The following MORN1 variants were observed in gnomAD, a reference collection of about 807,000 sequenced individuals.
MORN1 encodes MORN repeat containing 1.
A neutral mutation model predicts 61.9 loss-of-function variants in MORN1; 67 were observed. That is an observed-to-expected ratio of 1.08 (90% CI 0.89 to 1.33). MORN1 has a LOEUF of 1.33. Ranked by LOEUF, MORN1 falls within the 40% of genes most tolerant of loss-of-function variation. MORN1 has a pLI of 0.00. For synonymous variants in MORN1, 301 were observed against 292.0 expected (o/e 1.03, Z -0.31); for missense variants, 752 against 691.2 (o/e 1.09, Z -0.99).
intron 1 of MORN1, 24 bp downstream of exon 1, chr1:2,391,419 GGGCAGCCAGCGACCT>G: frequency 8.0e-7 from 1 of 1,254,784 alleles, no homozygotes; most frequent in South Asian, 3.6e-5. Flanking sequence ...ATGGAGCCCA[GGGCAGCCAGCGACCT>G]GTCCCGTGGC....
chr1:2,333,703 G>A lies in MORN1; in HGVS notation c.1250+2766C>T, dbSNP rs1475141107. ...ATTCACAAGCATGTCTGTCGGAAGC[G>A]GCAGCCCCAACGGTGCCAGGAGCTT... is the stretch of plus-strand genomic sequence containing the variant. On this transcript the variant is annotated intron_variant, in intron 12 of 13. Transcript: ENST00000378531. 3.9e-5 allele frequency among the ~76,000 whole-genome samples: 6 copies of A among 152,318 alleles called. No individual in the cohort carries two copies. The East Asian group carries it at 9.7e-4, about 25-fold the overall frequency.
intron 12 of MORN1, among the ~76,000 whole-genome samples, chr1:2,325,361 G>A (rs1641004872): frequency 6.7e-6 from 1 of 149,834 alleles, no homozygotes; most frequent in African/African-American, 2.5e-5. Flanking sequence ...AGGCTAGAGT[G>A]CAGCGGCATA....
rs1196027843 is a variant in MORN1, at chr1:2,387,233, C to A, written c.358+186G>T. ...AGCGCCGCAGGACCCGCTGGGCATA[C>A]TGGTGTATGCCGGGCATAGGACATG... On this transcript the variant is annotated intron_variant, in intron 4 of 13. Transcript: ENST00000378531. The A allele has an allele frequency of 4.9e-6, 3 of 609,298 alleles. No homozygotes were observed. The East Asian group carries it at 8.2e-5, about 17-fold the overall frequency. The allele number at this position is 609,298 out of a possible 1,614,324, so 37.7% of individuals were successfully genotyped here. A position where few individuals can be genotyped will look rare whatever the true frequency, so the allele number is the denominator to read the frequency against.
intron 12 of MORN1, among the ~76,000 whole-genome samples, chr1:2,325,283 CT>C (rs1400805664): frequency 1.9e-5 from 2 of 105,986 alleles, no homozygotes; most frequent in Non-Finnish European, 3.6e-5. Flanking sequence ...CTTTCTCTCT[CT>C]CTCCTCTCTC....
At chr1:2,329,977 G>T (rs1382409103) in intron 12 of MORN1, among the ~76,000 whole-genome samples, 1 of 152,124 alleles carries the variant, frequency 6.6e-6, no homozygotes, top group African/African-American at 2.4e-5. Context: ...GGAGCTCCGG[G>T]TGAGGGGGGA....
chr1:2,331,217 C>T (rs539797683), intron 12 of MORN1, among the ~76,000 whole-genome samples: 1 of 152,190 alleles, frequency 6.6e-6, no homozygotes, highest in Admixed American at 6.5e-5. Context: ...CCAGATTCAG[C>T]GGCTGGCGCA....
rs931004425 is a variant in MORN1, at chr1:2,372,601, G to A, written c.635-10C>T. On this transcript the variant is annotated splice_polypyrimidine_tract_variant and intron_variant, in intron 7 of 13. Coordinates refer to ENST00000378531, the MANE Select transcript of MORN1 (RefSeq NM_024848.3). This position sits in a 1 kb window ranked among gnomAD's most constrained non-coding sequence, Gnocchi z 5.4. ...ATCCTCGTAGCTTGTTCTGGGAGAG[G>A]ACAGAGTGTGGCTTTAGCGGTGACT... 7.5e-6 allele frequency: 12 copies of A among 1,607,700 alleles called. No individual in the cohort carries two copies. The highest frequency in any genetic ancestry group is 9.4e-6 in the Non-Finnish European group (11 of 1,175,896).
intron 12 of MORN1, 73 bp downstream of exon 12, chr1:2,336,396 C>T: frequency 2.7e-6 from 4 of 1,482,718 alleles, no homozygotes; most frequent in Non-Finnish European, 2.8e-6. Context: ...CCTTCCCCGT[C>T]CTCCTGGCCC....
chr1:2,354,000 A>C (rs1641707100), intron 10 of MORN1, among the ~76,000 whole-genome samples: 1 of 152,260 alleles, frequency 6.6e-6, no homozygotes, highest in African/African-American at 2.4e-5. Flanking sequence ...TAAAGACTAA[A>C]GAGGCCGGGC....
At chr1:2,358,544 A>C in intron 9 of MORN1, 48 bp downstream of exon 9, 1 of 1,611,790 alleles carries the variant, frequency 6.2e-7, no homozygotes, top group Non-Finnish European at 8.5e-7. Context: ...GACCTAAATG[A>C]ACTCAAAACA....
chr1:2,379,369 G>A, intron 6 of MORN1: 3 of 355,456 alleles, frequency 8.4e-6, no homozygotes, highest in Non-Finnish European at 1.7e-5. Flanking sequence ...GGCGCTGGTT[G>A]GGGTGTGGCT....
chr1:2,331,313 C>G (rs1053814284), intron 12 of MORN1, among the ~76,000 whole-genome samples: 3 of 152,178 alleles, frequency 2.0e-5, no homozygotes, highest in Admixed American at 6.5e-5. Flanking sequence ...AGAGGCAGCA[C>G]GGGCCAGGGC....
intron 12 of MORN1, among the ~76,000 whole-genome samples, chr1:2,329,194 C>T (rs573794722): frequency 3.9e-5 from 6 of 152,286 alleles, no homozygotes; most frequent in South Asian, 2.1e-4. Context: ...CCAGCCCCTC[C>T]GTCTGCTGTG....
chr1:2,388,160 T>C (rs370111172), intron 3 of MORN1, 79 bp downstream of exon 3: 30 of 1,121,092 alleles, frequency 2.7e-5, no homozygotes, highest in African/African-American at 1.7e-4. Context: ...TCACGCCTTC[T>C]GCATCTAGAC....
chr1:2,380,824 G>C (rs953238001), intron 6 of MORN1, among the ~76,000 whole-genome samples: 8 of 152,196 alleles, frequency 5.3e-5, no homozygotes, highest in African/African-American at 1.9e-4. Flanking sequence ...CCAAAGTGCT[G>C]AGAGTACAGG....
chr1:2,351,805 G>A (rs1018805283), intron 10 of MORN1: 7 of 555,028 alleles, frequency 1.3e-5, no homozygotes, highest in South Asian at 3.0e-5. Flanking sequence ...TGTAGGATAC[G>A]TCTCATTCTG....
At chr1:2,374,755 T>C (rs1445443140) in intron 6 of MORN1, 198 bp from the exon 7 acceptor site, 2 of 554,126 alleles carry the variant, frequency 3.6e-6, no homozygotes, top group Non-Finnish European at 6.4e-6. Flanking sequence ...TCCAATTTGC[T>C]TTGCAAAATA....
chr1:2,347,162 A>C (rs986359125), intron 10 of MORN1, among the ~76,000 whole-genome samples: 2 of 152,110 alleles, frequency 1.3e-5, no homozygotes, highest in African/African-American at 4.8e-5. Flanking sequence ...TGCCGCCCCC[A>C]CACAGCTTTG....
chr1:2,338,943 A>G (rs1383186990), intron 10 of MORN1, among the ~76,000 whole-genome samples: 2 of 151,980 alleles, frequency 1.3e-5, no homozygotes, highest in Non-Finnish European at 2.9e-5. Context: ...CGCAGCACAA[A>G]CAGAAATTAA....
Sources: allele counts gnomAD v4.1 joint callset (sites outside exome capture counted in the v4.1 genomes callset), GRCh38; gene constraint gnomAD v4.1.1; non-coding constraint Gnocchi (gnomAD v3.1); transcripts MANE v1.5; gene names NCBI Gene and HGNC (gene_info 2026-07-23, HGNC 2026-07-21).